The following ADD3 variants were observed in gnomAD, a reference collection of about 807,000 sequenced individuals.
The protein encoded by ADD3 is adducin 3.
In ADD3, 25 loss-of-function variants were observed where a neutral mutation model predicts 80.2. The ratio of observed to expected loss-of-function variants is 0.31; its 90% CI spans 0.23 to 0.44. ADD3 has a LOEUF of 0.44. Among genes scored for constraint, ADD3 ranks in the 20% least tolerant of loss-of-function variants. The pLI, the probability that ADD3 is intolerant of heterozygous loss-of-function variation, is 1.00. For synonymous variants in ADD3, 284 were observed against 289.6 expected (o/e 0.98, Z 0.20); for missense variants, 829 against 847.5 (o/e 0.98, Z 0.27).
chr10:110,046,640 GTCA>G (rs1175420800), intron 1 of ADD3, among the ~76,000 whole-genome samples: 1 of 152,138 alleles, frequency 6.6e-6, no homozygotes, highest in African/African-American at 2.4e-5. Flanking sequence ...ACTTACTGTT[GTCA>G]CTTTGGGGAA....
At chr10:110,038,202 T>C (rs1842474000) in intron 1 of ADD3, among the ~76,000 whole-genome samples, 1 of 150,956 alleles carries the variant, frequency 6.6e-6, no homozygotes, top group African/African-American at 2.4e-5. Context: ...TATTAACATC[T>C]CCAGAATTCA....
At chr10:110,130,336 A>C in intron 12 of ADD3, 27 bp from the exon 13 acceptor site, 1 of 1,610,756 alleles carries the variant, frequency 6.2e-7, no homozygotes, top group Non-Finnish European at 8.5e-7. Flanking sequence ...CTTGGTAATG[A>C]ATCGATTTTT....
intron 1 of ADD3, among the ~76,000 whole-genome samples, chr10:110,096,581 G>C (rs562909150): frequency 6.6e-6 from 1 of 152,088 alleles, no homozygotes; most frequent in Non-Finnish European, 1.5e-5. Context: ...TTCATGTTGC[G>C]ATAGTTAGCT....
chr10:110,102,328 G>A (rs189961849), intron 2 of ADD3, among the ~76,000 whole-genome samples: 1 of 152,232 alleles, frequency 6.6e-6, no homozygotes, highest in African/African-American at 2.4e-5. Context: ...TTACTAGATC[G>A]GAAATGGTGG....
At chr10:110,031,052 G>C (rs372830562) in intron 1 of ADD3, among the ~76,000 whole-genome samples, 1 of 152,172 alleles carries the variant, frequency 6.6e-6, no homozygotes, top group Non-Finnish European at 1.5e-5. Flanking sequence ...GAGGCAGGTG[G>C]ATCACCTGAG....
intron 1 of ADD3, among the ~76,000 whole-genome samples, chr10:110,060,445 A>G (rs1444565645): frequency 6.6e-6 from 1 of 152,218 alleles, no homozygotes; most frequent in African/African-American, 2.4e-5. Context: ...TCCCAAAAGC[A>G]CTTGGATATT....
chr10:110,024,976 G>T (rs1337159806), intron 1 of ADD3, among the ~76,000 whole-genome samples: 2 of 151,112 alleles, frequency 1.3e-5, no homozygotes, highest in African/African-American at 2.4e-5. Flanking sequence ...CACCCAGGCA[G>T]GAGTGCATTG....
chr10:110,027,975 G>A (rs1262988323), intron 1 of ADD3, among the ~76,000 whole-genome samples: 2 of 152,134 alleles, frequency 1.3e-5, no homozygotes, highest in African/African-American at 4.8e-5. Context: ...AAGAAAAGTT[G>A]GGACAGGTTT....
At chr10:110,007,569 C>T (rs552278137), upstream of ADD3, among the ~76,000 whole-genome samples, 6 of 152,298 alleles carry the variant, frequency 3.9e-5, no homozygotes, top group East Asian at 9.7e-4. Flanking sequence ...GTCGTTTCCC[C>T]CTCTGGCCCT....
intron 1 of ADD3, among the ~76,000 whole-genome samples, chr10:110,055,436 T>TA (rs566227955): frequency 4.6e-5 from 7 of 152,154 alleles, no homozygotes; most frequent in Admixed American, 1.3e-4. Context: ...TGGCAGTTGA[T>TA]AAAAAAATAT....
chr10:110,123,414 G>T (rs1297807313), intron 9 of ADD3, among the ~76,000 whole-genome samples: 1 of 145,798 alleles, frequency 6.9e-6, no homozygotes, highest in Non-Finnish European at 1.5e-5. Flanking sequence ...ATTCTAACAG[G>T]ACATGCCATC....
At chr10:110,021,057 G>C (rs574500817) in intron 1 of ADD3, among the ~76,000 whole-genome samples, 2 of 152,276 alleles carry the variant, frequency 1.3e-5, no homozygotes, top group African/African-American at 2.4e-5. Context: ...TTAAATGGTT[G>C]CATATTTAAT....
chr10:110,132,924 CA>C (rs60435351), intron 14 of ADD3, among the ~76,000 whole-genome samples: 18,951 of 66,224 alleles, frequency 0.29, 908 homozygotes, highest in South Asian at 0.47. Flanking sequence ...GACTCCGCCT[CA>C]AAAAAAAAAA....
intron 4 of ADD3, among the ~76,000 whole-genome samples, chr10:110,117,091 A>G (rs1850833780): frequency 6.6e-6 from 1 of 152,172 alleles, no homozygotes; most frequent in African/African-American, 2.4e-5. Flanking sequence ...AGCTGACCCT[A>G]AATAACCTTA....
upstream of ADD3, among the ~76,000 whole-genome samples, chr10:110,002,459 A>ATTT (rs1851505436): frequency 6.6e-6 from 1 of 151,936 alleles, no homozygotes; most frequent in Non-Finnish European, 1.5e-5. Flanking sequence ...TATTTTTAGT[A>ATTT]GAGACGGGGT....
At chr10:110,005,269 C>T (rs1211354774), upstream of ADD3, among the ~76,000 whole-genome samples, 1 of 151,836 alleles carries the variant, frequency 6.6e-6, no homozygotes, top group Non-Finnish European at 1.5e-5. Flanking sequence ...ACCATCTTGG[C>T]CAGGCTGGTC....
At chr10:110,069,798 A>C (rs746393149) in intron 1 of ADD3, among the ~76,000 whole-genome samples, 1 of 152,240 alleles carries the variant, frequency 6.6e-6, no homozygotes, top group South Asian at 2.1e-4. Context: ...AATGCAGTGT[A>C]AGAACAAGCA....
intron 1 of ADD3, among the ~76,000 whole-genome samples, chr10:110,014,302 G>T (rs563379404): frequency 1.8e-4 from 28 of 152,284 alleles, no homozygotes; most frequent in African/African-American, 6.7e-4. Flanking sequence ...AATATCTAAG[G>T]AGGTGGTTGG....
In ADD3 at chr10:110,118,599, A is replaced by G; in HGVS notation, c.580A>G (p.Ile194Val). Residue 194 changes from isoleucine (I) to valine (V), a missense_variant, in exon 6 of 15, where the codon ATA becomes GTA. Coordinates refer to ENST00000356080, the MANE Select transcript of ADD3 (RefSeq NM_016824.5). ...ATASNLVKVN[I>V]IGEVVDQGST... ...TGATTTTTTCCAGGTGAAAGTCAAT[A>G]TAATAGGAGAAGTGGTTGACCAGGG... 6.2e-7 allele frequency: 1 copy of G among 1,613,912 alleles called. No individual in the cohort carries two copies. The highest frequency in any genetic ancestry group is 1.1e-5 in the South Asian group (1 of 91,082).
Sources: gnomAD v4.1 joint callset for allele counts (sites outside exome capture counted in the v4.1 genomes callset) on GRCh38, gnomAD v4.1.1 for gene constraint, MANE v1.5 for transcripts, NCBI Gene and HGNC (gene_info 2026-07-23, HGNC 2026-07-21) for gene names.